The following PP2D1 variants were observed in gnomAD, a reference collection of about 807,000 sequenced individuals.
PP2D1 encodes the protein protein phosphatase 2C like domain containing 1.
A neutral mutation model predicts 30.2 loss-of-function variants in PP2D1; 25 were observed. The ratio of observed to expected loss-of-function variants is 0.83; its 90% CI spans 0.60 to 1.16. PP2D1 has a LOEUF of 1.16. Ranked by LOEUF, PP2D1 falls within the 50% of genes most tolerant of loss-of-function variation. The pLI, the probability that PP2D1 is intolerant of heterozygous loss-of-function variation, is 0.00. For synonymous variants in PP2D1, 260 were observed against 258.9 expected, an observed-to-expected ratio of 1.00 and a Z score of -0.04; for missense variants, 760 against 742.4, an observed-to-expected ratio of 1.02 and a Z score of -0.28.
intron 1 of PP2D1, 149 bp from the exon 2 acceptor site, chr3:20,002,245 A>C: frequency 1.6e-6 from 1 of 619,394 alleles, no homozygotes; most frequent in Non-Finnish European, 2.8e-6. Context: ...CTCAAAAAAC[A>C]TGTAAGTACT....
chr3:19,986,035 T>G lies in PP2D1; in HGVS notation c.1238A>C (p.Gln413Pro). ...SNEPYGLVEG[Q>P]VKTTRGLGFH... ...TCCAAGTCCTCGTGTAGTTTTTACT[T>G]GCCCCTCTACAAGCCCGTATGGTTC... The change falls in exon 3 of 3, where the codon CAA becomes CCA. Residue 413 changes from glutamine to proline, a missense_variant. Gln to Pro is a moderately conservative substitution (Grantham distance 76). Transcript: ENST00000389050. 1 of 1,536,106 alleles carries G rather than the reference T, an allele frequency of 6.5e-7. No homozygotes were observed. Among genetic ancestry groups the G allele is most frequent in the African/African-American group, 1.4e-5 (1 of 73,182 alleles).
chr3:20,003,203 A>G (rs1697277049), intron 1 of PP2D1, among the ~76,000 whole-genome samples: 2 of 151,986 alleles, frequency 1.3e-5, no homozygotes, highest in Admixed American at 6.6e-5. Flanking sequence ...TAAAAAAAAA[A>G]TTAACTGTAA....
intron 2 of PP2D1, among the ~76,000 whole-genome samples, chr3:19,999,149 A>G (rs902808895): frequency 1.4e-5 from 2 of 144,458 alleles, no homozygotes; most frequent in Non-Finnish European, 3.0e-5. Flanking sequence ...GCATGATCTC[A>G]GCTCACTGCA....
intron 1 of PP2D1, among the ~76,000 whole-genome samples, chr3:20,005,240 C>T (rs1163068896): frequency 2.6e-5 from 4 of 152,076 alleles, no homozygotes; most frequent in African/African-American, 9.7e-5. Flanking sequence ...GCAACCTCCA[C>T]CTCCTGGGTT....
chr3:19,988,231 A>G (rs144491016), intron 2 of PP2D1, among the ~76,000 whole-genome samples: 16 of 152,324 alleles, frequency 1.1e-4, no homozygotes, highest in African/African-American at 3.6e-4. Flanking sequence ...TCTTCTTACA[A>G]AAGCAAATAG....
chr3:19,980,674 T>C (rs1399571568), downstream of PP2D1, among the ~76,000 whole-genome samples: 1 of 152,212 alleles, frequency 6.6e-6, no homozygotes, highest in Non-Finnish European at 1.5e-5. Context: ...GTTGTTATTA[T>C]ATACAATATA....
At chr3:19,995,396 G>T (rs1460640556) in intron 2 of PP2D1, among the ~76,000 whole-genome samples, 1 of 152,012 alleles carries the variant, frequency 6.6e-6, no homozygotes, top group African/African-American at 2.4e-5. Flanking sequence ...GAATTATACA[G>T]CTGTGGGTGA....
intron 2 of PP2D1, among the ~76,000 whole-genome samples, chr3:19,989,314 A>C (rs1021274253): frequency 6.6e-6 from 1 of 152,228 alleles, no homozygotes; most frequent in Non-Finnish European, 1.5e-5. Context: ...TCTGCGCGAC[A>C]GAGTGAGACT....
At chr3:20,009,242 G>T (rs997222392) in intron 1 of PP2D1, among the ~76,000 whole-genome samples, 2 of 152,124 alleles carry the variant, frequency 1.3e-5, no homozygotes, top group African/African-American at 4.8e-5. Context: ...TAAGAGGGCT[G>T]CTTGAGGCCA....
chr3:20,007,456 T>A (rs1697333514), intron 1 of PP2D1, among the ~76,000 whole-genome samples: 1 of 152,048 alleles, frequency 6.6e-6, no homozygotes, highest in African/African-American at 2.4e-5. Context: ...CGTAACTGAC[T>A]GAAAAATACA....
rs1697015891 is a variant in PP2D1 at position 19,985,516 on chromosome 3, G to A, written c.1757C>T (p.Thr586Ile). 1.3e-6 allele frequency: 2 copies of A among 1,535,922 alleles called. No individual in the cohort carries two copies. The highest frequency in any genetic ancestry group is 2.4e-5 in the South Asian group (2 of 84,064). Residue 586 changes from threonine to isoleucine, a missense_variant, in exon 3 of 3, where the codon ACT (threonine) becomes ATT (isoleucine). This residue lies in a region of PP2D1 where 369 missense variants were observed against 316.2 expected (regional missense o/e 1.17). Transcript: ENST00000389050. Reference sequence around the variant, plus strand: ...AGCTGCGCCTTCATAGAAACTCTTAGTGTCTGATTCTTTTTCATTTGTTGC... The same window carrying A: ...AGCTGCGCCTTCATAGAAACTCTTAATGTCTGATTCTTTTTCATTTGTTGC... ...DVATNEKESD[T>I]KSFYEGAAEY...
chr3:19,980,550 A>G (rs527951047), downstream of PP2D1, among the ~76,000 whole-genome samples: 19 of 152,110 alleles, frequency 1.2e-4, no homozygotes, highest in Non-Finnish European at 2.5e-4. Flanking sequence ...AGGACTAAAA[A>G]GTTACTCGTT....
downstream of PP2D1, chr3:19,984,539 T>C (rs1238983536): frequency 1.1e-5 from 2 of 182,094 alleles, no homozygotes; most frequent in African/African-American, 2.4e-5. Context: ...TTAACAAAAA[T>C]GAAATAAACC....
At chr3:20,011,949 A>G in intron 1 of PP2D1, 101 bp downstream of exon 1, 1 of 885,268 alleles carries the variant, frequency 1.1e-6, no homozygotes, top group Non-Finnish European at 1.7e-6. Flanking sequence ...CAGGAAGCCA[A>G]GGTTTCATCT....
At chr3:19,981,810 TGTC>T (rs1374374164), downstream of PP2D1, among the ~76,000 whole-genome samples, 1 of 152,096 alleles carries the variant, frequency 6.6e-6, no homozygotes, top group African/African-American at 2.4e-5. Context: ...TTGAGAGTGT[TGTC>T]TGAATTTGAC....
At chr3:20,007,087 C>T (rs1343144511) in intron 1 of PP2D1, among the ~76,000 whole-genome samples, 1 of 151,648 alleles carries the variant, frequency 6.6e-6, no homozygotes, top group Admixed American at 6.6e-5. Context: ...GGCCCAGGCT[C>T]GTCTTGAACT....
chr3:20,001,123 T>C lies in PP2D1; in HGVS notation c.997A>G (p.Lys333Glu), dbSNP rs1164491911. Residue 333 changes from lysine (K) to glutamate (E), a missense_variant, in exon 2 of 3, where the codon AAA becomes GAA. Around this residue, in one of 3 missense-constraint regions of PP2D1, gnomAD observed 374 missense variants for 388.8 expected, o/e 0.96. Transcript: ENST00000389050. ...PKSPYAHKNWKRKNTHDGLAE... is the reference protein window; with the variant it reads ...PKSPYAHKNWERKNTHDGLAE... ...AACCCATCATGGGTATTTTTTCTTT[T>C]CCAATTCTTATGAGCATAAGGACTT... 12 of 1,433,322 alleles carry C rather than the reference T, an allele frequency of 8.4e-6. No individual in the cohort carries two copies. The highest frequency in any genetic ancestry group is 1.4e-5 in the African/African-American group (1 of 69,776). 88.8% of individuals were successfully genotyped at this position (1,433,322 alleles called of 1,614,324 possible).
In PP2D1 at chr3:20,001,055, A is replaced by G. The variant is rs1394290510; in HGVS notation, c.1065T>C (p.Ser355=). 17 of 1,398,004 alleles carry G rather than the reference A, an allele frequency of 1.2e-5. No homozygotes were observed. The highest frequency in any genetic ancestry group is 1.5e-5 in the Non-Finnish European group (16 of 1,078,004). 86.6% of individuals were successfully genotyped at this position (1,398,004 alleles called of 1,614,324 possible). ...SPSQEMPKII[S]GILHVANTGN... is the part of the protein sequence containing the mutation. ...CAGTGTTTGCAACATGTAATATTCCAGAAATTATTTTTGGCATCTCCTGGG... is the reference window on the plus strand; with the variant it reads ...CAGTGTTTGCAACATGTAATATTCCGGAAATTATTTTTGGCATCTCCTGGG... The change falls in exon 2 of 3, where the codon TCT becomes TCC. Residue 355 remains serine (S), a synonymous_variant. Transcript: ENST00000389050.
At position 19,989,161 on chromosome 3, in the gene PP2D1, CTG is replaced by C. The variant is rs1431645106; in HGVS notation, c.1091-2981_1091-2980del. ...CCAGCCTGGCCAACATGGCGAAACTCTGTCTCTACTAAATACAAAAATTAGCC... is the reference window on the plus strand; with the variant it reads ...CCAGCCTGGCCAACATGGCGAAACTCTCTCTACTAAATACAAAAATTAGCC... On this transcript the variant is annotated intron_variant, in intron 2 of 2. Transcript: ENST00000389050. Among the ~76,000 whole-genome samples, 3 of 152,140 alleles carry C rather than the reference CTG, an allele frequency of 2.0e-5. No individual in the cohort carries two copies. In the East Asian group the frequency reaches 5.8e-4, roughly 30 times the overall value.
Sources: gnomAD v4.1 joint callset for allele counts (sites outside exome capture counted in the v4.1 genomes callset) on GRCh38, gnomAD v4.1.1 for gene constraint, gnomAD v4.1.1 regional missense constraint, MANE v1.5 for transcripts, NCBI Gene and HGNC (gene_info 2026-07-23, HGNC 2026-07-21) for gene names.